Variants in LDHB observed in about 807,000 individuals in gnomAD.
The protein encoded by LDHB is L-lactate dehydrogenase B chain.
LDHB carries 18 observed loss-of-function variants against 33.4 expected under a neutral mutation model. The observed-to-expected ratio is 0.54, with a 90% confidence interval of 0.37 to 0.80. The LOEUF is 0.80. LDHB is among the 30% of genes least tolerant of loss of function. The pLI is 0.00. For missense variants in LDHB, 345 were observed against 407.9 expected, an observed-to-expected ratio of 0.85 and a Z score of 1.33; for synonymous variants, 121 against 140.6, an observed-to-expected ratio of 0.86 and a Z score of 0.98.
chr12:21,644,195 A>G (rs1384873899), intron 3 of LDHB, 87 bp from the exon 4 acceptor site: 1 of 963,240 alleles, frequency 1.0e-6, no homozygotes, highest in Non-Finnish European at 1.6e-6. Flanking sequence ...AAGCCTAACC[A>G]TACATAAGCT....
At chr12:21,647,491 G>A (rs1257995131) in intron 2 of LDHB, among the ~76,000 whole-genome samples, 7 of 152,016 alleles carry the variant, frequency 4.6e-5, no homozygotes, top group Non-Finnish European at 1.0e-4. Flanking sequence ...ATGTCTTGGT[G>A]GGGAAAGGAA....
intron 4 of LDHB, among the ~76,000 whole-genome samples, chr12:21,642,756 A>G (rs1195065340): frequency 6.6e-6 from 1 of 152,228 alleles, no homozygotes; most frequent in Admixed American, 6.5e-5. Flanking sequence ...GTAAAAAGTA[A>G]AAAATGTGCA....
At chr12:21,644,424 C>CAAAAAAAAAAAAAAAAAAAAA (rs72491634) in intron 3 of LDHB, among the ~76,000 whole-genome samples, 1 of 15,274 alleles carries the variant, frequency 6.5e-5, no homozygotes, top group Non-Finnish European at 2.0e-4. Flanking sequence ...AGGTAGACAT[C>CAAAAAAAAAAAAAAAAAAAAA]AAAAAAAAAA....
chr12:21,644,022 G>T lies in LDHB; in HGVS notation c.334C>A (p.Gln112Lys), dbSNP rs778782743. ...AATTTGAAGACATTAACATTTCTCTGCACCAGATTGAGCCGACTCTCCCCT... is the reference window on the plus strand; with the variant it reads ...AATTTGAAGACATTAACATTTCTCTTCACCAGATTGAGCCGACTCTCCCCT... ...QEGESRLNLV[Q>K]RNVNVFKFII... The change falls in exon 4 of 8, where the codon CAG becomes AAG. Residue 112 changes from glutamine to lysine, a missense_variant. Physicochemically the swap from Gln to Lys is moderately conservative, Grantham distance 53 (BLOSUM62 1). Coordinates refer to ENST00000350669, the MANE Select transcript of LDHB (RefSeq NM_002300.8). 2 of 1,611,566 alleles carry T rather than the reference G, an allele frequency of 1.2e-6. No individual in the cohort carries two copies. Among genetic ancestry groups the T allele is most frequent in the Admixed American group, 1.7e-5 (1 of 60,010 alleles).
chr12:21,645,778 C>G (rs1225093952), intron 3 of LDHB, among the ~76,000 whole-genome samples: 1 of 152,092 alleles, frequency 6.6e-6, no homozygotes, highest in African/African-American at 2.4e-5. Flanking sequence ...AACTCAGAGA[C>G]TGGTGCCGGC....
intron 6 of LDHB, 179 bp from the exon 7 acceptor site, chr12:21,637,373 A>T (rs1353889059): frequency 1.7e-6 from 1 of 583,228 alleles, no homozygotes; most frequent in Admixed American, 2.9e-5. Context: ...AATGCTTAAA[A>T]CTGTAAGCAC....
chr12:21,651,018 TAAG>T (rs752578937), intron 2 of LDHB, among the ~76,000 whole-genome samples: 1 of 152,326 alleles, frequency 6.6e-6, no homozygotes, highest in South Asian at 2.1e-4. Flanking sequence ...ATCTGAATGA[TAAG>T]AAGGGGTCAA....
intron 2 of LDHB, among the ~76,000 whole-genome samples, 156 bp from the exon 3 acceptor site, chr12:21,647,172 G>A (rs112618857): frequency 0.018 from 2,746 of 152,288 alleles, 79 homozygotes; most frequent in African/African-American, 0.062. Flanking sequence ...TGAGGATTCA[G>A]TTCACATGAT....
At chr12:21,649,472 C>CAT (rs1491407240) in intron 2 of LDHB, among the ~76,000 whole-genome samples, 3 of 152,022 alleles carry the variant, frequency 2.0e-5, no homozygotes, top group Non-Finnish European at 2.9e-5. Context: ...ATGAATTTTC[C>CAT]ATATATATAT....
chr12:21,642,040 A>C lies in LDHB; in HGVS notation c.507T>G (p.Ala169=), dbSNP rs1369262198. The stretch of plus-strand genomic sequence containing the variant: ...TTTCAGCCATAAGGTAGCGAAATCT[A>C]GCAGAATCCAGATTACATCCACTTC... ...VIGSGCNLDS[A]RFRYLMAEKL... The change falls in exon 5 of 8, where the codon GCT becomes GCG. Residue 169 remains alanine, a synonymous_variant. Coordinates refer to ENST00000350669, the MANE Select transcript of LDHB (RefSeq NM_002300.8). 2 of 1,613,598 alleles carry C rather than the reference A, an allele frequency of 1.2e-6. No homozygotes were observed. The highest frequency in any genetic ancestry group is 3.3e-5 in the Admixed American group (2 of 59,968).
At chr12:21,645,278 T>G (rs1351647746) in intron 3 of LDHB, among the ~76,000 whole-genome samples, 1 of 152,136 alleles carries the variant, frequency 6.6e-6, no homozygotes, top group Non-Finnish European at 1.5e-5. Flanking sequence ...CCAGGTATTG[T>G]CCAAGGTTTC....
intron 2 of LDHB, among the ~76,000 whole-genome samples, chr12:21,648,538 G>GC (rs1938593797): frequency 6.6e-6 from 1 of 151,682 alleles, no homozygotes; most frequent in Non-Finnish European, 1.5e-5. Flanking sequence ...GTATTAATGG[G>GC]GGGGAGGGGC....
intron 2 of LDHB, among the ~76,000 whole-genome samples, chr12:21,650,226 C>CT (rs1158180394): frequency 6.6e-6 from 1 of 151,340 alleles, no homozygotes; most frequent in Non-Finnish European, 1.5e-5. Context: ...AAATAATTAA[C>CT]TAAATGGATA....
At chr12:21,643,257 A>G (rs555333223) in intron 4 of LDHB, among the ~76,000 whole-genome samples, 1 of 152,360 alleles carries the variant, frequency 6.6e-6, no homozygotes, top group Non-Finnish European at 1.5e-5. Flanking sequence ...TATTTTCTCA[A>G]TGTACCTGCT....
chr12:21,650,151 CGT>C (rs1196908351), intron 2 of LDHB, among the ~76,000 whole-genome samples: 23 of 32,756 alleles, frequency 7.0e-4, no homozygotes, highest in African/African-American at 1.8e-3. Context: ...CACACACACA[CGT>C]CTCTCTCTCC....
In LDHB at chr12:21,649,666, G is replaced by A. The variant is rs866174639; in HGVS notation, c.130-2650C>T. ...CTATTTATTTTTACTCTACTCCTGT[G>A]ACAGACTTAAAAAAAGGCTTTTAAT... On this transcript the variant is annotated intron_variant, in intron 2 of 7. Transcript: ENST00000350669. Among the ~76,000 whole-genome samples the A allele has an allele frequency of 9.2e-5, 4 of 43,532 alleles. No individual in the cohort carries two copies. In the South Asian group the frequency reaches 7.0e-3, roughly 77 times the overall value. 28.6% of individuals were successfully genotyped at this position (43,532 alleles called of 152,430 possible). A position where few individuals can be genotyped will look rare whatever the true frequency, so the allele number is the denominator to read the frequency against.
At chr12:21,654,383 T>G in intron 2 of LDHB, 160 bp downstream of exon 2, 1 of 666,730 alleles carries the variant, frequency 1.5e-6, no homozygotes, top group Non-Finnish European at 2.6e-6. Context: ...AGGAGATACA[T>G]GCTTAAATAT....
intron 3 of LDHB, among the ~76,000 whole-genome samples, chr12:21,645,739 G>A (rs1284320388): frequency 1.3e-5 from 2 of 151,796 alleles, no homozygotes; most frequent in African/African-American, 4.8e-5. Flanking sequence ...TCCGAGATAC[G>A]CCCGATAATG....
intron 3 of LDHB, among the ~76,000 whole-genome samples, chr12:21,645,228 G>GTA (rs1938486476): frequency 3.6e-5 from 1 of 27,818 alleles, no homozygotes; most frequent in African/African-American, 6.5e-5. Flanking sequence ...CAGAGACACA[G>GTA]TACACTATGG....
Sources: gnomAD v4.1 joint callset for allele counts (sites outside exome capture counted in the v4.1 genomes callset) on GRCh38, gnomAD v4.1.1 for gene constraint, MANE v1.5 for transcripts, NCBI Gene and HGNC (gene_info 2026-07-23, HGNC 2026-07-21) for gene names.